ADGRB3: variants seen among roughly 807,000 people sequenced by gnomAD.
ADGRB3 encodes brain-specific angiogenesis inhibitor 3.
Under a neutral mutation model 193.4 loss-of-function variants are expected in ADGRB3, and 37 were observed. That is an observed-to-expected ratio of 0.19 (90% CI 0.15 to 0.25). The LOEUF is 0.25. Ranked by LOEUF, ADGRB3 falls within the 10% of genes least tolerant of loss-of-function variation. The pLI is 1.00. For synonymous variants in ADGRB3, 690 were observed against 644.2 expected, an observed-to-expected ratio of 1.07 and a Z score of -1.08; for missense variants, 1,637 against 1,852.9, an observed-to-expected ratio of 0.88 and a Z score of 2.14.
At chr6:68,699,190 C>G (rs1765202521) in intron 3 of ADGRB3, among the ~76,000 whole-genome samples, 2 of 152,038 alleles carry the variant, frequency 1.3e-5, no homozygotes, top group African/African-American at 4.8e-5. Flanking sequence ...GAAACTTGTT[C>G]TTTGAATAAT....
At chr6:68,963,663 T>C (rs979096757) in intron 8 of ADGRB3, among the ~76,000 whole-genome samples, 4 of 152,186 alleles carry the variant, frequency 2.6e-5, no homozygotes, top group African/African-American at 7.2e-5. Context: ...TGTTATTCAC[T>C]TGGGCTCCCC....
At chr6:68,921,611 A>G (rs950131143) in intron 3 of ADGRB3, among the ~76,000 whole-genome samples, 2 of 152,214 alleles carry the variant, frequency 1.3e-5, no homozygotes, top group Non-Finnish European at 2.9e-5. Context: ...TTCAAGTAGA[A>G]AAATCTTTGA....
intron 17 of ADGRB3, among the ~76,000 whole-genome samples, chr6:69,222,029 C>A (rs1040627230): frequency 6.6e-6 from 1 of 152,062 alleles, no homozygotes; most frequent in Non-Finnish European, 1.5e-5. Context: ...CATTAAATTT[C>A]TTTATTTCTT....
intron 17 of ADGRB3, among the ~76,000 whole-genome samples, chr6:69,099,143 C>T (rs954201595): frequency 6.6e-6 from 1 of 152,194 alleles, no homozygotes; most frequent in Non-Finnish European, 1.5e-5. Context: ...ATGCCACTGA[C>T]ATTTAGTAGG....
chr6:69,210,395 C>T (rs1356484769), intron 17 of ADGRB3, among the ~76,000 whole-genome samples: 1 of 151,738 alleles, frequency 6.6e-6, no homozygotes, highest in African/African-American at 2.4e-5. Flanking sequence ...GCTGTCATGG[C>T]AACTGATTAG....
chr6:69,295,466 A>C (rs2127294236), intron 20 of ADGRB3, among the ~76,000 whole-genome samples: 1 of 152,254 alleles, frequency 6.6e-6, no homozygotes, highest in South Asian at 2.1e-4. Context: ...GAGCAGCTGA[A>C]GGACCTGAGA....
At chr6:68,955,917 G>C (rs1416069832) in intron 6 of ADGRB3, 107 bp from the exon 7 acceptor site, 37 of 1,065,710 alleles carry the variant, frequency 3.5e-5, no homozygotes, top group Non-Finnish European at 4.9e-5. Context: ...TTCATTCATA[G>C]TCCATTGATT....
intron 17 of ADGRB3, among the ~76,000 whole-genome samples, chr6:69,171,883 A>G (rs1305113236): frequency 6.6e-6 from 1 of 152,202 alleles, no homozygotes; most frequent in Non-Finnish European, 1.5e-5. Context: ...GTTTGATTCT[A>G]CATTGCCACA....
chr6:69,161,200 AATG>A (rs1774976223), intron 17 of ADGRB3, among the ~76,000 whole-genome samples: 2 of 151,984 alleles, frequency 1.3e-5, no homozygotes, highest in South Asian at 4.1e-4. Context: ...ATTTTATAAT[AATG>A]ATTATTACTA....
chr6:69,360,973 G>A lies in ADGRB3; in HGVS notation c.3700G>A (p.Gly1234Arg), dbSNP rs941764211. 6.2e-6 allele frequency: 10 copies of A among 1,612,554 alleles called. No individual in the cohort carries two copies. The highest frequency in any genetic ancestry group is 1.1e-5 in the South Asian group (1 of 91,050). ...DEEEKGTNPE[G>R]LSYSTLPGNV... is the part of the protein sequence containing the mutation. ...AGAAGAAAAGGGAACAAACCCTGAA[G>A]GGCTAAGCTATTCAACATTGCCTGG... The change falls in exon 29 of 32, where the codon GGG becomes AGG. Residue 1234 changes from glycine to arginine, a missense_variant. Around this residue, in one of 7 missense-constraint regions of ADGRB3, gnomAD observed 368 missense variants for 367.4 expected, o/e 1.00. Coordinates refer to ENST00000370598, the MANE Select transcript of ADGRB3 (RefSeq NM_001704.3).
intron 3 of ADGRB3, among the ~76,000 whole-genome samples, chr6:68,913,272 C>A (rs1021800942): frequency 1.3e-5 from 2 of 151,990 alleles, no homozygotes; most frequent in South Asian, 2.1e-4. Context: ...GACCCCCGAG[C>A]AGCCTAACTG....
At chr6:69,232,683 C>G in intron 17 of ADGRB3, 1 of 1,413,454 alleles carries the variant, frequency 7.1e-7, no homozygotes, top group Non-Finnish European at 9.6e-7. Flanking sequence ...AGAGTCGGAA[C>G]CAGCTGATGC....
intron 3 of ADGRB3, among the ~76,000 whole-genome samples, chr6:68,782,205 AGTGAGAACATGTGGTGTTTG>A (rs1766867921): frequency 7.1e-6 from 1 of 140,254 alleles, no homozygotes; most frequent in Admixed American, 7.9e-5. Context: ...CCCACCTATG[AGTGAGAACATGTGGTGTTTG>A]GTTTTTTTGT....
At chr6:69,020,451 G>A (rs1290968220) in intron 13 of ADGRB3, among the ~76,000 whole-genome samples, 1 of 152,016 alleles carries the variant, frequency 6.6e-6, no homozygotes, top group African/African-American at 2.4e-5. Flanking sequence ...GACTCACCAA[G>A]CTTGTATATT....
At chr6:69,121,567 G>A (rs969188405) in intron 17 of ADGRB3, among the ~76,000 whole-genome samples, 2 of 152,116 alleles carry the variant, frequency 1.3e-5, no homozygotes, top group African/African-American at 4.8e-5. Context: ...CCTGGCAGAG[G>A]CACACCTCAC....
chr6:68,960,942 A>G (rs985943524), intron 8 of ADGRB3, among the ~76,000 whole-genome samples: 1 of 152,200 alleles, frequency 6.6e-6, no homozygotes, highest in South Asian at 2.1e-4. Context: ...TGATAAGGTG[A>G]TAAAATTAAC....
chr6:69,141,547 T>C (rs1774343186), intron 17 of ADGRB3, among the ~76,000 whole-genome samples: 1 of 151,790 alleles, frequency 6.6e-6, no homozygotes, highest in African/African-American at 2.4e-5. Context: ...AGCATTCCAG[T>C]TGGTGCAAAG....
chr6:69,150,490 C>T (rs553771076), intron 17 of ADGRB3, among the ~76,000 whole-genome samples: 14 of 152,128 alleles, frequency 9.2e-5, no homozygotes, highest in Non-Finnish European at 2.1e-4. Context: ...AGGCCTGGGA[C>T]TCATCTTTCA....
At chr6:68,787,302 G>C (rs11757285) in intron 3 of ADGRB3, among the ~76,000 whole-genome samples, 1 of 151,870 alleles carries the variant, frequency 6.6e-6, no homozygotes, top group Non-Finnish European at 1.5e-5. Context: ...GTCATAGATC[G>C]CTCTTATTAT....
Sources: gnomAD v4.1 joint callset for allele counts (sites outside exome capture counted in the v4.1 genomes callset) on GRCh38, gnomAD v4.1.1 for gene constraint, gnomAD v4.1.1 regional missense constraint, MANE v1.5 for transcripts, NCBI Gene and HGNC (gene_info 2026-07-23, HGNC 2026-07-21) for gene names.